HIVEP1: variants seen among roughly 807,000 people sequenced by gnomAD.
The protein encoded by HIVEP1 is HIVEP zinc finger 1.
A neutral mutation model predicts 180.0 loss-of-function variants in HIVEP1; 36 were observed. The observed-to-expected ratio is 0.20, with a 90% CI of 0.15 to 0.26. The LOEUF is 0.26. HIVEP1 is among the 10% of genes least tolerant of loss of function. HIVEP1 has a pLI of 1.00. For missense variants in HIVEP1, 3,143 were observed against 3,268.7 expected (o/e 0.96, Z 0.94); for synonymous variants, 1,239 against 1,239.0 (o/e 1.00, Z 0.00).
chr6:12,020,995 A>G (rs113015569), intron 2 of HIVEP1, among the ~76,000 whole-genome samples: 6,351 of 148,790 alleles, frequency 0.043, 179 homozygotes, highest in Middle Eastern at 0.17. Context: ...GGTTCAAGCC[A>G]TTCTCCTGCC....
Position 12,124,125 on chromosome 6 carries a change from T to A in HIVEP1, c.4330T>A (p.Ser1444Thr). 1.9e-6 allele frequency: 3 copies of A among 1,614,108 alleles called. No homozygotes were observed. The highest frequency in any genetic ancestry group is 2.5e-6 in the Non-Finnish European group (3 of 1,180,012). Residue 1444 changes from serine to threonine, a missense_variant, in exon 4 of 9, where the codon TCT becomes ACT. Physicochemically the swap from Ser to Thr is moderately conservative, Grantham distance 58. This residue lies in a region of HIVEP1 where 1,357 missense variants were observed against 1,260.5 expected (regional missense o/e 1.08). Transcript: ENST00000379388. ...AAACATAGCCCCAGATAGTCATCTG[T>A]CTCCTGTACACCCAACATCTTTCCA... is the stretch of plus-strand genomic sequence containing the variant. ...SLNIAPDSHL[S>T]PVHPTSFQNT... is the part of the protein sequence containing the mutation.
At chr6:12,075,593 T>TC in intron 2 of HIVEP1, among the ~76,000 whole-genome samples, 1 of 151,950 alleles carries the variant, frequency 6.6e-6, no homozygotes, top group African/African-American at 2.4e-5. Flanking sequence ...ATTGGGCCTT[T>TC]TTTTTTTTTC....
Position 12,164,424 on chromosome 6 carries a change from G to C in HIVEP1, c.8120G>C (p.Ser2707Thr). The C allele has an allele frequency of 6.2e-7, 1 of 1,612,888 alleles. No homozygotes were observed. Among genetic ancestry groups the C allele is most frequent in the Non-Finnish European group, 8.5e-7 (1 of 1,179,658 alleles). ...QPTVHFSDVS[S>T]DDDEDRLVIA... is the part of the protein sequence containing the mutation. ...ACTGTGCACTTCAGCGACGTGAGCA[G>C]CGATGATGACGAGGACAGGCTTGTG... is the stretch of plus-strand genomic sequence containing the variant. The change falls in exon 9 of 9, where the codon AGC (serine) becomes ACC (threonine). Residue 2707 changes from serine (S) to threonine (T), a missense_variant. Ser to Thr is a moderately conservative substitution (Grantham distance 58). This residue lies in a region of HIVEP1 where 11 missense variants were observed against 24.0 expected (regional missense o/e 0.46). Coordinates refer to ENST00000379388, the MANE Select transcript of HIVEP1 (RefSeq NM_002114.4).
intron 2 of HIVEP1, among the ~76,000 whole-genome samples, chr6:12,067,823 C>T (rs1771697627): frequency 6.6e-6 from 1 of 151,920 alleles, no homozygotes; most frequent in African/African-American, 2.4e-5. Context: ...AAATCAATGG[C>T]CCCCAATGTA....
chr6:12,018,319 C>T (rs575811196), intron 2 of HIVEP1, among the ~76,000 whole-genome samples: 1 of 152,354 alleles, frequency 6.6e-6, no homozygotes, highest in South Asian at 2.1e-4. Context: ...TGGGCCATCC[C>T]AGGAAGGGGA....
At chr6:12,037,157 C>G (rs1003029294) in intron 2 of HIVEP1, among the ~76,000 whole-genome samples, 1 of 151,942 alleles carries the variant, frequency 6.6e-6, no homozygotes, top group East Asian at 1.9e-4. Context: ...TGTTGAGGCC[C>G]GGGTCTTGGA....
In HIVEP1 at chr6:12,124,079, A is replaced by G. The variant is rs78106828; in HGVS notation, c.4284A>G (p.Pro1428=). 2.3e-3 allele frequency: 3,778 copies of G among 1,614,112 alleles called. 75 individuals are homozygous for G. The African/African-American group carries it at 0.043, about 19-fold the overall frequency. The change falls in exon 4 of 9, where the codon CCA becomes CCG. Residue 1428 remains proline (P), a synonymous_variant. Coordinates refer to ENST00000379388, the MANE Select transcript of HIVEP1 (RefSeq NM_002114.4). Reference sequence around the variant, plus strand: ...CTCTCTTAGAAAGAAGGAGAGGCCCACTGGTACGGCAAATATCTTTAAACA... The same window carrying G: ...CTCTCTTAGAAAGAAGGAGAGGCCCGCTGGTACGGCAAATATCTTTAAACA... ...HVPLLERRRG[P]LVRQISLNIA... is the part of the protein sequence containing the mutation.
At chr6:12,029,121 T>A (rs1768770730) in intron 2 of HIVEP1, among the ~76,000 whole-genome samples, 1 of 152,242 alleles carries the variant, frequency 6.6e-6, no homozygotes, top group South Asian at 2.1e-4. Flanking sequence ...TGTATTGTTT[T>A]CAGTGTTTGG....
At chr6:12,069,356 T>G (rs568642011) in intron 2 of HIVEP1, among the ~76,000 whole-genome samples, 3 of 152,140 alleles carry the variant, frequency 2.0e-5, no homozygotes, top group African/African-American at 7.2e-5. Context: ...GGACTGGAAG[T>G]TTCTCTGGGT....
chr6:12,022,378 G>C (rs1768292191), intron 2 of HIVEP1, among the ~76,000 whole-genome samples: 1 of 151,824 alleles, frequency 6.6e-6, no homozygotes, highest in South Asian at 2.1e-4. Context: ...CACCATTTTG[G>C]CCAGGCTGGT....
intron 2 of HIVEP1, among the ~76,000 whole-genome samples, chr6:12,082,842 A>C (rs182605465): frequency 6.6e-6 from 1 of 152,150 alleles, no homozygotes. Flanking sequence ...TAATGAATAC[A>C]TGCTGAGCCA....
rs140027104 is a variant in HIVEP1 at position 12,036,537 on chromosome 6, G to A, written c.40+20869G>A. 7.4e-4 allele frequency among the ~76,000 whole-genome samples: 113 copies of A among 152,282 alleles called. No individual in the cohort carries two copies. In the East Asian group the frequency reaches 0.016, roughly 22 times the overall value. On this transcript the variant is annotated intron_variant, in intron 2 of 8. Coordinates refer to ENST00000379388, the MANE Select transcript of HIVEP1 (RefSeq NM_002114.4). ...TCTGAGCACTGCTGTAGGCTCCAGG[G>A]ATGCACAGCCCCTTGGGTGATCTCT...
chr6:12,049,097 T>C (rs904777822), intron 2 of HIVEP1, among the ~76,000 whole-genome samples: 4 of 152,120 alleles, frequency 2.6e-5, no homozygotes, highest in Non-Finnish European at 5.9e-5. Context: ...GGGAAGAGTA[T>C]GGGGTGATTC....
chr6:12,122,081 G>A lies in HIVEP1; in HGVS notation c.2286G>A (p.Lys762=). ...ISDNEALVDD[K]QLDSVKPRRT... ...ACAATGAAGCTTTGGTAGATGACAA[G>A]CAACTGGATAGTGTGAAGCCGCGGA... Residue 762 remains lysine, a synonymous_variant, in exon 4 of 9, where the codon AAG becomes AAA. Transcript: ENST00000379388. 1 of 1,614,194 alleles carries A rather than the reference G, an allele frequency of 6.2e-7. No homozygotes were observed. Among genetic ancestry groups the A allele is most frequent in the Non-Finnish European group, 8.5e-7 (1 of 1,180,024 alleles).
At position 12,125,198 on chromosome 6, in the gene HIVEP1, G is replaced by T. The variant is rs778784883; in HGVS notation, c.5403G>T (p.Gln1801His). Residue 1801 changes from glutamine (Q) to histidine (H), a missense_variant, in exon 4 of 9, where the codon CAG (glutamine) becomes CAT (histidine). By Grantham distance (24) the Gln-to-His change is conservative (BLOSUM62 0). Coordinates refer to ENST00000379388, the MANE Select transcript of HIVEP1 (RefSeq NM_002114.4). Reference sequence around the variant, plus strand: ...AGAAGAAGCCTATTTTAGTGAGACAGGTTTGTACTACAGAGCCCCTGGACG... The same window carrying T: ...AGAAGAAGCCTATTTTAGTGAGACATGTTTGTACTACAGAGCCCCTGGACG... Reference protein sequence around the residue: ...SKQKKPILVRQVCTTEPLDGV... With the variant: ...SKQKKPILVRHVCTTEPLDGV... 1 of 1,614,028 alleles carries T rather than the reference G, an allele frequency of 6.2e-7. No individual in the cohort carries two copies. The highest frequency in any genetic ancestry group is 1.3e-5 in the African/African-American group (1 of 74,914).
intron 2 of HIVEP1, among the ~76,000 whole-genome samples, chr6:12,079,803 T>G (rs988168447): frequency 6.6e-6 from 1 of 152,162 alleles, no homozygotes; most frequent in Non-Finnish European, 1.5e-5. Context: ...TAATAGAAAT[T>G]AATACAACAA....
the HIVEP1 span, among the ~76,000 whole-genome samples, chr6:12,186,956 A>G: frequency 6.6e-6 from 1 of 152,168 alleles, no homozygotes; most frequent in Non-Finnish European, 1.5e-5. Context: ...TACATGGAAA[A>G]TCTGGAACTA....
chr6:12,011,616 C>G (rs1251068086), upstream of HIVEP1, among the ~76,000 whole-genome samples: 3 of 150,038 alleles, frequency 2.0e-5, no homozygotes, highest in African/African-American at 4.9e-5. Context: ...GTCCCCCTCC[C>G]GTCCCTGCGG....
chr6:12,076,672 G>A (rs1581635925), intron 2 of HIVEP1, among the ~76,000 whole-genome samples: 1 of 152,122 alleles, frequency 6.6e-6, no homozygotes, highest in Admixed American at 6.6e-5. Flanking sequence ...CCATCATGAG[G>A]GTGGAGCCTT....
Sources: gnomAD v4.1 joint callset for allele counts (sites outside exome capture counted in the v4.1 genomes callset) on GRCh38, gnomAD v4.1.1 for gene constraint, gnomAD v4.1.1 regional missense constraint, MANE v1.5 for transcripts, NCBI Gene and HGNC (gene_info 2026-07-23, HGNC 2026-07-21) for gene names.